The following CRK variants were observed in gnomAD, a reference collection of about 807,000 sequenced individuals.
The protein encoded by CRK is CRK proto-oncogene, adaptor protein.
In CRK, 4 loss-of-function variants were observed where a neutral mutation model predicts 29.8. That is an observed-to-expected ratio of 0.13 (90% confidence interval 0.07 to 0.31). The LOEUF is 0.31. CRK is among the 10% of genes least tolerant of loss of function. The probability of loss-of-function intolerance (pLI) is 1.00; values close to 1 mark genes in which losing one functional copy is unlikely to be tolerated. For missense variants in CRK, 274 were observed against 396.5 expected, an observed-to-expected ratio of 0.69 and a Z score of 2.62; for synonymous variants, 153 against 164.9, an observed-to-expected ratio of 0.93 and a Z score of 0.55.
At chr17:1,429,646 C>G (rs2073818161) in intron 2 of CRK, among the ~76,000 whole-genome samples, 1 of 151,720 alleles carries the variant, frequency 6.6e-6, no homozygotes, top group South Asian at 2.1e-4. Context: ...AAAAAAGAGG[C>G]CAGACGCAGT....
intron 1 of CRK, among the ~76,000 whole-genome samples, chr17:1,448,364 C>T (rs141749918): frequency 1.1e-4 from 16 of 152,184 alleles, no homozygotes; most frequent in Non-Finnish European, 2.4e-4. Context: ...GGGGTTCACG[C>T]CTGTAATCCC....
chr17:1,435,881 G>A (rs1221751977), intron 2 of CRK, among the ~76,000 whole-genome samples: 1 of 152,102 alleles, frequency 6.6e-6, no homozygotes, highest in Non-Finnish European at 1.5e-5. Context: ...GGGAGAGAGG[G>A]AGGAAGGAAG....
chr17:1,455,833 G>A (rs751074019), intron 1 of CRK, 44 bp downstream of exon 1: 23 of 1,455,742 alleles, frequency 1.6e-5, no homozygotes, highest in African/African-American at 2.9e-5. Context: ...GGAGTTCCGC[G>A]GCCCTCACCC....
intron 2 of CRK, among the ~76,000 whole-genome samples, chr17:1,427,647 T>A (rs1410640503): frequency 6.6e-6 from 1 of 151,816 alleles, no homozygotes; most frequent in African/African-American, 2.4e-5. Flanking sequence ...TTTGTTTGTT[T>A]GAGAGAGAGT....
intron 2 of CRK, among the ~76,000 whole-genome samples, chr17:1,431,047 A>G (rs2150902819): frequency 6.6e-6 from 1 of 150,720 alleles, no homozygotes; most frequent in South Asian, 2.1e-4. Flanking sequence ...AGCCTGGGCG[A>G]CAGAGTGAGA....
chr17:1,450,462 G>A (rs1169751840), intron 1 of CRK, among the ~76,000 whole-genome samples: 2 of 151,970 alleles, frequency 1.3e-5, no homozygotes, highest in African/African-American at 2.4e-5. Flanking sequence ...AGCCGAGATC[G>A]CGCCACTGCC....
intron 1 of CRK, among the ~76,000 whole-genome samples, chr17:1,454,005 A>G (rs2074037814): frequency 6.6e-6 from 1 of 152,102 alleles, no homozygotes; most frequent in South Asian, 2.1e-4. Flanking sequence ...GTTCAAGACC[A>G]ATCTGGCCAA....
chr17:1,423,986 A>G (rs988894754), intron 2 of CRK, among the ~76,000 whole-genome samples: 4 of 151,820 alleles, frequency 2.6e-5, no homozygotes, highest in Non-Finnish European at 5.9e-5. Context: ...TGAGTTAGCT[A>G]CTATTCCCTT....
intron 2 of CRK, among the ~76,000 whole-genome samples, chr17:1,435,603 G>C (rs922292661): frequency 2.0e-5 from 3 of 152,136 alleles, no homozygotes; most frequent in Non-Finnish European, 4.4e-5. Flanking sequence ...ATGGGAACAA[G>C]AGGCAGTGAT....
intron 2 of CRK, among the ~76,000 whole-genome samples, chr17:1,426,835 C>T (rs1214148631): frequency 7.1e-6 from 1 of 141,008 alleles, no homozygotes; most frequent in Non-Finnish European, 1.5e-5. Flanking sequence ...GCACTCCAGC[C>T]TGGCCAACAG....
At chr17:1,427,304 AG>A (rs1568008145) in intron 2 of CRK, among the ~76,000 whole-genome samples, 3 of 150,624 alleles carry the variant, frequency 2.0e-5, no homozygotes, top group Non-Finnish European at 3.0e-5. Flanking sequence ...AAAAAAAAAA[AG>A]AATCTTGGCC....
intron 2 of CRK, among the ~76,000 whole-genome samples, chr17:1,430,101 G>A (rs1339990128): frequency 6.6e-6 from 1 of 150,996 alleles, no homozygotes; most frequent in Non-Finnish European, 1.5e-5. Flanking sequence ...CTGGAGTGCA[G>A]TGGCACAATC....
rs2074055314 is a variant in CRK, at chr17:1,456,126, C to T, written c.-9G>A. On this transcript the variant is annotated 5_prime_UTR_variant, in exon 1 of 3. Transcript: ENST00000300574. ...TCGAAGTTGCCCGCCATGGCTGCCT[C>T]CGCGCCTAAACGCTGGGGTGCCGCC... The T allele has an allele frequency of 5.2e-6, 8 of 1,525,624 alleles. No homozygotes were observed. Among genetic ancestry groups the T allele is most frequent in the Non-Finnish European group, 7.0e-6 (8 of 1,139,262 alleles). The allele number at this position is 1,525,624 out of a possible 1,614,324, so 94.5% of individuals were successfully genotyped here.
At chr17:1,452,735 G>C (rs927712943) in intron 1 of CRK, among the ~76,000 whole-genome samples, 5 of 151,934 alleles carry the variant, frequency 3.3e-5, no homozygotes, top group African/African-American at 1.2e-4. Context: ...GGTTGCAGTG[G>C]GCCAATATCG....
chr17:1,436,507 C>T, intron 2 of CRK, 113 bp downstream of exon 2: 1 of 1,180,250 alleles, frequency 8.5e-7, no homozygotes, highest in Non-Finnish European at 1.2e-6. Flanking sequence ...TGCTTAGCGG[C>T]TTGCCATCTA....
Position 1,437,029 on chromosome 17 carries a change from T to C in CRK, c.368A>G (p.Gln123Arg), listed in dbSNP as rs766815891. ...CTGCCTGAGAATCACTCCACTACCC[T>C]GCCTGGATCTGGAAACTGGTTCTAT... ...TLIEPVSRSR[Q>R]GSGVILRQEE... is the part of the protein sequence containing the mutation. The change falls in exon 2 of 3, where the codon CAG (glutamine) becomes CGG (arginine). Residue 123 changes from glutamine (Q) to arginine (R), a missense_variant. By Grantham distance (43) the Gln-to-Arg change is conservative. Coordinates refer to ENST00000300574, the MANE Select transcript of CRK (RefSeq NM_016823.4). The C allele has an allele frequency of 1.2e-6, 2 of 1,614,130 alleles. No homozygotes were observed. The highest frequency in any genetic ancestry group is 1.7e-6 in the Non-Finnish European group (2 of 1,180,018).
At chr17:1,424,638 C>G (rs760760126) in intron 2 of CRK, 1 of 152,350 alleles carries the variant, frequency 6.6e-6, no homozygotes, top group Non-Finnish European at 1.5e-5. Flanking sequence ...GCCCAGCCCC[C>G]AAATCCCACC....
chr17:1,456,219 G>A lies in CRK; in HGVS notation c.-102C>T. On this transcript the variant is annotated 5_prime_UTR_variant, in exon 1 of 3. Coordinates refer to ENST00000300574, the MANE Select transcript of CRK (RefSeq NM_016823.4). ...GACCGGCTCCGGTTTCAGCTTCACAGCAGCGCCCGAAATGGCGGCGGCAGC... is the reference window on the plus strand; with the variant it reads ...GACCGGCTCCGGTTTCAGCTTCACAACAGCGCCCGAAATGGCGGCGGCAGC... 1.5e-6 allele frequency: 2 copies of A among 1,302,630 alleles called. No individual in the cohort carries two copies. The highest frequency in any genetic ancestry group is 9.7e-7 in the Non-Finnish European group (1 of 1,026,336). The allele number at this position is 1,302,630 out of a possible 1,614,324, so 80.7% of individuals were successfully genotyped here.
At chr17:1,444,124 G>A (rs551407577) in intron 1 of CRK, among the ~76,000 whole-genome samples, 4 of 151,988 alleles carry the variant, frequency 2.6e-5, no homozygotes, top group East Asian at 1.9e-4. Context: ...ATGAGCCACC[G>A]TGCCTGGTCT....
Sources: allele counts gnomAD v4.1 joint callset (sites outside exome capture counted in the v4.1 genomes callset), GRCh38; gene constraint gnomAD v4.1.1; transcripts MANE v1.5; gene names NCBI Gene and HGNC (gene_info 2026-07-23, HGNC 2026-07-21).